Variants in PASD1 observed in about 807,000 individuals in gnomAD.
PASD1 encodes circadian clock protein PASD1.
In PASD1, 13 loss-of-function variants were observed where a neutral mutation model predicts 58.8. The observed-to-expected ratio is 0.22, with a 90% confidence interval of 0.14 to 0.35. The LOEUF (loss-of-function observed/expected upper bound fraction) is 0.35, where lower values mean the gene tolerates loss of function less well. PASD1 is among the 10% of genes least tolerant of loss of function. The pLI, the probability that PASD1 is intolerant of heterozygous loss-of-function variation, is 1.00. For synonymous variants in PASD1, 236 were observed against 216.7 expected, an observed-to-expected ratio of 1.09 and a Z score of -0.78; for missense variants, 734 against 568.3, an observed-to-expected ratio of 1.29 and a Z score of -2.96.
At chrX:151,577,357 T>G (rs1602904049) in intron 1 of PASD1, among the ~76,000 whole-genome samples, 1 of 112,319 alleles carries the variant, frequency 8.9e-6, no homozygotes, top group East Asian at 2.8e-4. Flanking sequence ...TTTTACCTTG[T>G]TTCTGTCTTC....
At chrX:151,627,417 T>C (rs1314820357) in intron 8 of PASD1, among the ~76,000 whole-genome samples, 2 of 109,232 alleles carry the variant, frequency 1.8e-5, no homozygotes, top group African/African-American at 6.7e-5. Context: ...CATGTGTTCT[T>C]ATTGTTCGGT....
At chrX:151,641,013 G>A (rs2013989807) in intron 8 of PASD1, 2 of 111,193 alleles carry the variant, frequency 1.8e-5, no homozygotes, top group Non-Finnish European at 3.8e-5. Context: ...TTGACATTAG[G>A]GCAACTCTTA....
intron 9 of PASD1, among the ~76,000 whole-genome samples, chrX:151,651,401 G>T (rs1745441207): frequency 8.9e-6 from 1 of 111,855 alleles, no homozygotes; most frequent in African/African-American, 3.3e-5. Context: ...GATTGCTTTT[G>T]CACCCAAATC....
Position 151,675,872 on chromosome X carries a change from C to T in PASD1, c.2176-125C>T, listed in dbSNP as rs969500077. ...CCTCCGTCTCCCATCACCTTGCAGG[C>T]TCATGTTCCAAAGAAGTATTTCTCA... is the stretch of plus-strand genomic sequence containing the variant. On this transcript the variant is annotated intron_variant, in intron 15 of 15. Coordinates refer to ENST00000370357, the MANE Select transcript of PASD1 (RefSeq NM_173493.3). The T allele has an allele frequency of 7.2e-5, 54 of 749,662 alleles. 1 individual carries two copies. The South Asian group carries it at 1.3e-3, about 19-fold the overall frequency. 61.8% of individuals were successfully genotyped at this position (749,662 alleles called of 1,213,427 possible).
At chrX:151,607,347 ATTAC>A (rs2013501378) in intron 3 of PASD1, among the ~76,000 whole-genome samples, 1 of 112,061 alleles carries the variant, frequency 8.9e-6, no homozygotes, top group Non-Finnish European at 1.9e-5. Context: ...ATACTACACA[ATTAC>A]TTACCCATTT....
At chrX:151,653,836 TTCCTTCCTTCCCTCCC>T (rs1277761413) in intron 9 of PASD1, among the ~76,000 whole-genome samples, 1 of 16,542 alleles carries the variant, frequency 6.0e-5, no homozygotes, top group African/African-American at 1.3e-4. Context: ...CCTTCCTTCC[TTCCTTCCTTCCCTCCC>T]TCCCTCCCTC....
At position 151,674,084 on chromosome X, in the gene PASD1, G is replaced by C. The variant is rs1240318162; in HGVS notation, c.2073G>C (p.Arg691=). The C allele has an allele frequency of 1.7e-6, 2 of 1,211,679 alleles. No homozygotes were observed. The highest frequency in any genetic ancestry group is 4.3e-5 in the Admixed American group (2 of 46,072). Reference sequence around the variant, plus strand: ...TGGAGACCCCACAGGATTACATCCGGCTTTGGCAAGAGTTGTCTGATTCAC... The same window carrying C: ...TGGAGACCCCACAGGATTACATCCGCCTTTGGCAAGAGTTGTCTGATTCAC... ...STLETPQDYI[R]LWQELSDSLG... Residue 691 remains arginine, a synonymous_variant, in exon 15 of 16, where the codon CGG becomes CGC. Transcript: ENST00000370357.
At chrX:151,661,506 T>C (rs1340381747) in intron 10 of PASD1, among the ~76,000 whole-genome samples, 1 of 112,107 alleles carries the variant, frequency 8.9e-6, no homozygotes, top group East Asian at 2.8e-4. Flanking sequence ...AATAGAAAAA[T>C]AAGGGAAAGA....
chrX:151,651,717 C>A (rs2014130813), intron 9 of PASD1, among the ~76,000 whole-genome samples: 1 of 112,415 alleles, frequency 8.9e-6, no homozygotes, highest in Admixed American at 9.4e-5. Flanking sequence ...GAAAACTAAA[C>A]TGTATTAAGA....
intron 8 of PASD1, among the ~76,000 whole-genome samples, chrX:151,642,992 T>C (rs988141547): frequency 5.4e-5 from 6 of 111,486 alleles, no homozygotes; most frequent in Non-Finnish European, 1.9e-5. Context: ...GAGAAGGAAA[T>C]GAGGAGCTAA....
chrX:151,645,453 A>C (rs1043569631), intron 8 of PASD1, among the ~76,000 whole-genome samples: 1 of 112,028 alleles, frequency 8.9e-6, no homozygotes, highest in African/African-American at 3.2e-5. Flanking sequence ...GCCAAGAACA[A>C]CCTTGCATTA....
intron 11 of PASD1, among the ~76,000 whole-genome samples, chrX:151,668,210 C>T (rs1176736366): frequency 1.1e-4 from 12 of 111,692 alleles, no homozygotes; most frequent in Admixed American, 1.0e-3. Context: ...GAGTTTTTAG[C>T]ATGAAGGGTT....
intron 9 of PASD1, among the ~76,000 whole-genome samples, chrX:151,653,799 TTTCCTTCC>T (rs1225513913): frequency 4.3e-4 from 8 of 18,535 alleles, no homozygotes; most frequent in African/African-American, 1.1e-3. Context: ...TCTTTCTTTC[TTTCCTTCC>T]TTCCTTCCTT....
intron 4 of PASD1, among the ~76,000 whole-genome samples, chrX:151,613,408 C>T (rs946427703): frequency 1.2e-3 from 129 of 108,553 alleles, no homozygotes; most frequent in African/African-American, 4.1e-3. Flanking sequence ...TTACCTTGGG[C>T]AGTATGGCCA....
chrX:151,647,335 G>A (rs2124294950), intron 8 of PASD1, among the ~76,000 whole-genome samples: 1 of 111,293 alleles, frequency 9.0e-6, no homozygotes, highest in East Asian at 2.8e-4. Context: ...TTTAGTCGGA[G>A]GTTGAAAAAT....
intron 1 of PASD1, among the ~76,000 whole-genome samples, chrX:151,567,054 A>G (rs1159851920): frequency 1.2e-5 from 1 of 81,646 alleles, no homozygotes; most frequent in East Asian, 3.1e-4. Context: ...CAAAATAAAT[A>G]AATAAATAAA....
At chrX:151,666,593 T>A (rs1261687510) in intron 11 of PASD1, among the ~76,000 whole-genome samples, 1 of 98,860 alleles carries the variant, frequency 1.0e-5, no homozygotes, top group Non-Finnish European at 2.0e-5. Context: ...GTCCAAGTGT[T>A]CTCATTGTTC....
At chrX:151,593,431 T>C (rs1793169126) in intron 1 of PASD1, among the ~76,000 whole-genome samples, 2 of 98,981 alleles carry the variant, frequency 2.0e-5, no homozygotes, top group African/African-American at 7.5e-5. Flanking sequence ...TGTGTGATAT[T>C]CCCTGCCCTG....
intron 4 of PASD1, among the ~76,000 whole-genome samples, chrX:151,614,609 C>T (rs771288566): frequency 4.1e-4 from 46 of 112,205 alleles, no homozygotes; most frequent in Non-Finnish European, 6.9e-4. Flanking sequence ...ATCATATCTC[C>T]GTTGTTGTTT....
Sources: allele counts gnomAD v4.1 joint callset (sites outside exome capture counted in the v4.1 genomes callset), GRCh38; gene constraint gnomAD v4.1.1; transcripts MANE v1.5; gene names NCBI Gene and HGNC (gene_info 2026-07-23, HGNC 2026-07-21).